SPIDR: variants seen among roughly 807,000 people sequenced by gnomAD.
SPIDR encodes scaffold protein involved in DNA repair, also known as DNA repair-scaffolding protein.
In SPIDR, 93 loss-of-function variants were observed where a neutral mutation model predicts 104.6. That is an observed-to-expected ratio of 0.89 (90% CI 0.75 to 1.06). The LOEUF (loss-of-function observed/expected upper bound fraction) is 1.06, where lower values mean the gene tolerates loss of function less well. SPIDR is among the 50% of genes least tolerant of loss of function. SPIDR has a pLI of 0.00. For missense variants in SPIDR, 1,154 were observed against 1,111.2 expected (o/e 1.04, Z -0.55); for synonymous variants, 431 against 416.9 (o/e 1.03, Z -0.41).
At chr8:47,702,167 C>T (rs561502474) in intron 14 of SPIDR, 152 bp downstream of exon 14, 11 of 977,236 alleles carry the variant, frequency 1.1e-5, no homozygotes, top group Non-Finnish European at 1.7e-5. Context: ...GGGTAATCTC[C>T]TTTGGAAATT....
At chr8:47,411,790 C>A (rs1467883909) in intron 7 of SPIDR, among the ~76,000 whole-genome samples, 2 of 152,104 alleles carry the variant, frequency 1.3e-5, no homozygotes, top group African/African-American at 4.8e-5. Context: ...GGTTTTAGGT[C>A]TAACATTTAA....
At chr8:47,602,344 T>G (rs962575271) in intron 10 of SPIDR, among the ~76,000 whole-genome samples, 17 of 152,202 alleles carry the variant, frequency 1.1e-4, no homozygotes, top group Non-Finnish European at 2.2e-4. Context: ...CTAAGTCTGG[T>G]CTCCTTGTCT....
In SPIDR at chr8:47,283,220, G is replaced by C. The variant is rs2101611; in HGVS notation, c.190-808G>C. ...TTCCTTTGCTTGAGCACTTTGAGGCGATTGTAAGGTTATTAAATTGACTTA... is the reference window on the plus strand; with the variant it reads ...TTCCTTTGCTTGAGCACTTTGAGGCCATTGTAAGGTTATTAAATTGACTTA... On this transcript the variant is annotated intron_variant, in intron 2 of 19. Coordinates refer to ENST00000297423, the MANE Select transcript of SPIDR (RefSeq NM_001080394.4). 7.8e-3 allele frequency among the ~76,000 whole-genome samples: 1,191 copies of C among 152,286 alleles called. 13 individuals carry two copies. The highest frequency in any genetic ancestry group is 0.027 in the African/African-American group (1,142 of 41,552).
At chr8:47,362,620 A>G (rs187029305) in intron 5 of SPIDR, among the ~76,000 whole-genome samples, 1 of 152,224 alleles carries the variant, frequency 6.6e-6, no homozygotes, top group African/African-American at 2.4e-5. Context: ...AAGAGAAGGA[A>G]TGAACACTCA....
At chr8:47,735,199 G>A (rs2086081523) in intron 19 of SPIDR, 108 bp from the exon 20 acceptor site, 1 of 1,029,044 alleles carries the variant, frequency 9.7e-7, no homozygotes, top group Non-Finnish European at 1.5e-6. Context: ...GTGGAAGGTC[G>A]TGGACTGGGG....
chr8:47,710,755 A>C (rs2081759136), intron 14 of SPIDR, among the ~76,000 whole-genome samples: 1 of 151,992 alleles, frequency 6.6e-6, no homozygotes, highest in Non-Finnish European at 1.5e-5. Flanking sequence ...GGCATGAGCC[A>C]CCACGACTGG....
chr8:47,489,147 A>G (rs1479355529), intron 8 of SPIDR, among the ~76,000 whole-genome samples: 2 of 152,254 alleles, frequency 1.3e-5, no homozygotes, highest in African/African-American at 4.8e-5. Context: ...AAGCAACTTC[A>G]GCAAAGTCTC....
At chr8:47,387,559 C>T (rs782168955) in intron 5 of SPIDR, among the ~76,000 whole-genome samples, 3 of 152,174 alleles carry the variant, frequency 2.0e-5, no homozygotes, top group African/African-American at 7.2e-5. Flanking sequence ...CTGACTTGCA[C>T]ATAGGTGGCA....
chr8:47,485,712 G>T (rs558912407), intron 8 of SPIDR, among the ~76,000 whole-genome samples: 2 of 152,332 alleles, frequency 1.3e-5, no homozygotes, highest in South Asian at 4.1e-4. Flanking sequence ...TGTCTGTTCT[G>T]CAGCCTCCGC....
At chr8:47,442,406 G>T (rs1393877334) in intron 8 of SPIDR, among the ~76,000 whole-genome samples, 3 of 152,074 alleles carry the variant, frequency 2.0e-5, no homozygotes, top group Non-Finnish European at 4.4e-5. Flanking sequence ...ATAAGTTTAG[G>T]TTTAACTTAC....
At chr8:47,274,525 T>G (rs1454591977) in intron 1 of SPIDR, among the ~76,000 whole-genome samples, 1 of 152,088 alleles carries the variant, frequency 6.6e-6, no homozygotes, top group African/African-American at 2.4e-5. Flanking sequence ...TTCCCCTTGA[T>G]TGATAGTTTG....
intron 1 of SPIDR, among the ~76,000 whole-genome samples, chr8:47,278,765 G>A (rs1307703736): frequency 2.0e-5 from 3 of 152,068 alleles, no homozygotes; most frequent in Admixed American, 6.6e-5. Flanking sequence ...ATGCCACCAC[G>A]CCTAGCTAAT....
intron 11 of SPIDR, among the ~76,000 whole-genome samples, chr8:47,690,055 TAAAA>T: frequency 6.8e-6 from 1 of 147,724 alleles, no homozygotes; most frequent in Admixed American, 6.8e-5. Context: ...AATATTTGGT[TAAAA>T]AAAAAAACTT....
chr8:47,700,261 C>T, intron 11 of SPIDR, 142 bp from the exon 12 acceptor site: 1 of 846,656 alleles, frequency 1.2e-6, no homozygotes, highest in Non-Finnish European at 2.0e-6. Flanking sequence ...GTGCCTTCTT[C>T]CCCCTCTGAA....
At chr8:47,370,158 A>G (rs781821691) in intron 5 of SPIDR, among the ~76,000 whole-genome samples, 1 of 152,150 alleles carries the variant, frequency 6.6e-6, no homozygotes, top group Non-Finnish European at 1.5e-5. Flanking sequence ...GGTGATTACA[A>G]ATGTGGTCGT....
intron 5 of SPIDR, among the ~76,000 whole-genome samples, chr8:47,304,331 C>A (rs1215465324): frequency 6.6e-6 from 1 of 151,964 alleles, no homozygotes; most frequent in Non-Finnish European, 1.5e-5. Flanking sequence ...TTGGTACTGT[C>A]CTCACAATAG....
At chr8:47,698,725 A>G (rs1273798878) in intron 11 of SPIDR, among the ~76,000 whole-genome samples, 1 of 152,216 alleles carries the variant, frequency 6.6e-6, no homozygotes, top group Non-Finnish European at 1.5e-5. Flanking sequence ...CATTATTAGT[A>G]ATGACACCAA....
intron 5 of SPIDR, among the ~76,000 whole-genome samples, chr8:47,316,118 A>G (rs1281861735): frequency 6.6e-6 from 1 of 152,220 alleles, no homozygotes; most frequent in Non-Finnish European, 1.5e-5. Flanking sequence ...CAATGAAAAT[A>G]CAACTTGATT....
intron 8 of SPIDR, among the ~76,000 whole-genome samples, chr8:47,583,548 T>G (rs191587053): frequency 3.3e-5 from 5 of 152,266 alleles, no homozygotes; most frequent in Non-Finnish European, 5.9e-5. Context: ...AGAGAGATTG[T>G]AAAGGCCACA....
Sources: allele counts gnomAD v4.1 joint callset (sites outside exome capture counted in the v4.1 genomes callset), GRCh38; gene constraint gnomAD v4.1.1; transcripts MANE v1.5; gene names NCBI Gene and HGNC (gene_info 2026-07-23, HGNC 2026-07-21).